Variants in COL9A1 observed in about 807,000 individuals in gnomAD.
COL9A1 encodes the protein collagen type IX alpha 1 chain.
A neutral mutation model predicts 142.6 loss-of-function variants in COL9A1; 104 were observed. The observed-to-expected ratio is 0.73, with a 90% CI of 0.62 to 0.86. COL9A1 has a LOEUF of 0.86. Among genes scored for constraint, COL9A1 ranks in the 40% least tolerant of loss-of-function variants. COL9A1 has a pLI of 0.00. For synonymous variants in COL9A1, 466 were observed against 396.0 expected (o/e 1.18, Z -2.10); for missense variants, 1,210 against 1,176.6 (o/e 1.03, Z -0.42).
At chr6:70,243,692 T>A (rs766109680) in intron 28 of COL9A1, among the ~76,000 whole-genome samples, 6 of 152,182 alleles carry the variant, frequency 3.9e-5, no homozygotes, top group Admixed American at 6.5e-5. Context: ...CACGCCTGGC[T>A]GATTTTTGTA....
chr6:70,217,256 T>C (rs1768585856), intron 37 of COL9A1, among the ~76,000 whole-genome samples, 175 bp from the exon 38 acceptor site: 1 of 152,190 alleles, frequency 6.6e-6, no homozygotes. Context: ...ATAAGATCCC[T>C]TCCTTGGACT....
rs199520801 is a variant in COL9A1 at position 70,302,189 on chromosome 6, GT to G, written c.15-116del. ...TGTAAGGTGATCAAATCACAGTATA[GT>G]TTTTTTTTCATTTCTTTTTTTTTTT... On this transcript the variant is annotated intron_variant, in intron 1 of 37. Transcript: ENST00000357250. 206 of 488,582 alleles carry G rather than the reference GT, an allele frequency of 4.2e-4. 1 individual carries two copies. Among genetic ancestry groups the G allele is most frequent in the South Asian group, 6.8e-4 (33 of 48,516 alleles). The allele number at this position is 488,582 out of a possible 1,614,324, so 30.3% of individuals were successfully genotyped here. A position where few individuals can be genotyped will look rare whatever the true frequency, so the allele number is the denominator to read the frequency against.
At chr6:70,215,417 C>G (rs1009426471), downstream of COL9A1, 1 of 151,984 alleles carries the variant, frequency 6.6e-6, no homozygotes, top group Non-Finnish European at 1.5e-5. Context: ...TTAGGGCTCA[C>G]TCTCCTTTGA....
intron 35 of COL9A1, 91 bp downstream of exon 35, chr6:70,234,448 A>C: frequency 7.5e-7 from 1 of 1,340,638 alleles, no homozygotes; most frequent in Non-Finnish European, 1.1e-6. Context: ...ACAAAAAGTC[A>C]CTCTTGTTTA....
At chr6:70,267,327 G>GGTTTTTTTTTTTTTT (rs757813161) in intron 17 of COL9A1, among the ~76,000 whole-genome samples, 2 of 127,032 alleles carry the variant, frequency 1.6e-5, no homozygotes, top group Admixed American at 7.8e-5. Flanking sequence ...TGGTTTTTTT[G>GGTTTTTTTTTTTTTT]TTTTTTTTTT....
intron 9 of COL9A1, 22 bp from the exon 10 acceptor site, chr6:70,280,896 C>T (rs761226998): frequency 6.2e-7 from 1 of 1,612,818 alleles, no homozygotes; most frequent in African/African-American, 1.3e-5. Flanking sequence ...CAGAAGGGTG[C>T]GGGGGCAGGA....
chr6:70,269,661 G>A lies in COL9A1; in HGVS notation c.1202C>T (p.Thr401Ile). The A allele has an allele frequency of 6.3e-7, 1 of 1,583,756 alleles. No homozygotes were observed. The highest frequency in any genetic ancestry group is 1.7e-4 in the Middle Eastern group (1 of 5,990). The change falls in exon 16 of 38, where the codon ACA (threonine) becomes ATA (isoleucine). Residue 401 changes from threonine to isoleucine, a missense_variant. Physicochemically the swap from Thr to Ile is moderately conservative, Grantham distance 89. Coordinates refer to ENST00000357250, the MANE Select transcript of COL9A1 (RefSeq NM_001851.6). ...TGGATCTCCATCATGAAAGCCAATT[G>A]TTCCCTAAAGTAAACAAAATATTAA... ...GPPGPPGPRG[T>I]IGFHDGDPLC...
intron 37 of COL9A1, among the ~76,000 whole-genome samples, chr6:70,217,587 G>T (rs377694621): frequency 1.3e-5 from 2 of 151,894 alleles, no homozygotes; most frequent in East Asian, 1.9e-4. Flanking sequence ...TTTTCATGTG[G>T]CTACTTGATT....
intron 32 of COL9A1, among the ~76,000 whole-genome samples, chr6:70,239,959 C>A (rs930084036): frequency 1.3e-5 from 2 of 152,174 alleles, no homozygotes; most frequent in African/African-American, 4.8e-5. Flanking sequence ...TATATTAGCT[C>A]TAAATCCTGA....
chr6:70,218,433 T>C (rs1197731759), intron 37 of COL9A1, among the ~76,000 whole-genome samples: 1 of 152,216 alleles, frequency 6.6e-6, no homozygotes, highest in Non-Finnish European at 1.5e-5. Context: ...GAGGAATTTC[T>C]GCTGAATGTT....
At chr6:70,287,415 A>T (rs931854509) in intron 5 of COL9A1, among the ~76,000 whole-genome samples, 1 of 152,212 alleles carries the variant, frequency 6.6e-6, no homozygotes, top group Non-Finnish European at 1.5e-5. Flanking sequence ...GAGGAAATTC[A>T]TTTGGTCATA....
At position 70,225,990 on chromosome 6, in the gene COL9A1, C is replaced by A. The variant is rs1769201859; in HGVS notation, c.2523G>T (p.Gly841=). ...GACCTCTTCCTGGAGGGCCACGCTC[C>A]CCCTTTTCTCCCAAGTCACCTGCAT... The part of the protein sequence containing the change: ...RGPKGDLGEK[G]ERGPPGRGPN... The change falls in exon 37 of 38, where the codon GGG becomes GGT. Residue 841 remains glycine, a synonymous_variant. Coordinates refer to ENST00000357250, the MANE Select transcript of COL9A1 (RefSeq NM_001851.6). 1 of 1,613,724 alleles carries A rather than the reference C, an allele frequency of 6.2e-7. No homozygotes were observed. The highest frequency in any genetic ancestry group is 1.3e-5 in the African/African-American group (1 of 74,908).
chr6:70,268,174 C>T (rs990484709), intron 17 of COL9A1, among the ~76,000 whole-genome samples: 4 of 150,198 alleles, frequency 2.7e-5, no homozygotes, highest in African/African-American at 7.4e-5. Context: ...TGTACACAAC[C>T]CCCTCCAACT....
At chr6:70,300,616 G>A (rs763448620) in intron 2 of COL9A1, among the ~76,000 whole-genome samples, 4 of 152,016 alleles carry the variant, frequency 2.6e-5, no homozygotes, top group East Asian at 1.9e-4. Flanking sequence ...ATGCCTCTAC[G>A]ATTATAATCT....
At chr6:70,222,848 G>T (rs1312940337) in intron 37 of COL9A1, 3 of 151,994 alleles carry the variant, frequency 2.0e-5, no homozygotes, top group Admixed American at 6.6e-5. Flanking sequence ...GGTAAGAAAA[G>T]AATTTTTTTA....
chr6:70,262,532 C>T (rs1438352353), intron 19 of COL9A1, among the ~76,000 whole-genome samples: 3 of 152,168 alleles, frequency 2.0e-5, no homozygotes, highest in African/African-American at 7.2e-5. Flanking sequence ...TACCTGAGCT[C>T]GTCTTCTATA....
chr6:70,272,086 G>A lies in COL9A1; in HGVS notation c.1068C>T (p.Gly356=), dbSNP rs768608047. 1.2e-6 allele frequency: 2 copies of A among 1,611,142 alleles called. 1 individual carries two copies. ...PGVPGSRGFP[G]RGIPGPPGPP... The stretch of plus-strand genomic sequence containing the variant: ...TTACAGGGGGTCCAGGAATACCACG[G>A]CCCTAAAAGAGTACAATAAAAATGG... The change falls in exon 13 of 38, where the codon GGC becomes GGT. Residue 356 remains glycine, a splice_region_variant and synonymous_variant. Transcript: ENST00000357250.
chr6:70,272,053 A>AG lies in COL9A1; in HGVS notation c.1089+11dup. 1 of 1,610,926 alleles carries AG rather than the reference A, an allele frequency of 6.2e-7. No homozygotes were observed. Among genetic ancestry groups the AG allele is most frequent in the Non-Finnish European group, 8.5e-7 (1 of 1,177,470 alleles). On this transcript the variant is annotated intron_variant, in intron 13 of 37. Coordinates refer to ENST00000357250, the MANE Select transcript of COL9A1 (RefSeq NM_001851.6). ...TAGACTGCATAAAAATAAATGATGAAGTGATACTTACAGGGGGTCCAGGAA... is the reference window on the plus strand; with the variant it reads ...TAGACTGCATAAAAATAAATGATGAAGGTGATACTTACAGGGGGTCCAGGAA...
At chr6:70,249,242 G>A (rs994232341) in intron 28 of COL9A1, among the ~76,000 whole-genome samples, 4 of 151,746 alleles carry the variant, frequency 2.6e-5, no homozygotes, top group African/African-American at 9.7e-5. Context: ...ATACAGTGGT[G>A]TGTGCAGACT....
Sources: gnomAD v4.1 joint callset for allele counts (sites outside exome capture counted in the v4.1 genomes callset) on GRCh38, gnomAD v4.1.1 for gene constraint, MANE v1.5 for transcripts, NCBI Gene and HGNC (gene_info 2026-07-23, HGNC 2026-07-21) for gene names.